Variants in PORCN observed in about 807,000 individuals in gnomAD.
The protein encoded by PORCN is porcupine O-acyltransferase, also known as protein-serine O-palmitoleoyltransferase porcupine.
Under a neutral mutation model 43.0 loss-of-function variants are expected in PORCN, and 1 was observed. That is an observed-to-expected ratio of 0.02 (90% confidence interval 0.01 to 0.11). The LOEUF is 0.11. Ranked by LOEUF, PORCN falls within the 10% of genes least tolerant of loss-of-function variation. PORCN has a pLI of 1.00. For synonymous variants in PORCN, 148 were observed against 166.4 expected (o/e 0.89, Z 0.85); for missense variants, 240 against 392.1 (o/e 0.61, Z 3.28).
chrX:48,514,776 T>C (rs987545745), intron 10 of PORCN, 151 bp downstream of exon 10: 15 of 509,527 alleles, frequency 2.9e-5, no homozygotes, highest in Non-Finnish European at 4.2e-5. Context: ...AGATGATAAA[T>C]ACGAGAAAAA....
chrX:48,510,759 A>G (rs868966738), intron 2 of PORCN, among the ~76,000 whole-genome samples: 1 of 101,642 alleles, frequency 9.8e-6, no homozygotes, highest in Non-Finnish European at 2.0e-5. Flanking sequence ...CTATCTATCT[A>G]TCTGTATATC....
At chrX:48,511,583 G>A (rs2061676091) in intron 3 of PORCN, 96 bp downstream of exon 3, 1 of 783,815 alleles carries the variant, frequency 1.3e-6, no homozygotes. Context: ...GGAGGGTGGT[G>A]AGATTCCCCG....
rs2061698079 is a variant in PORCN at position 48,514,248 on chromosome X, G to A, written c.728G>A (p.Arg243Gln). Residue 243 changes from arginine (R) to glutamine (Q), a missense_variant, in exon 9 of 15, where the codon CGA becomes CAA. By Grantham distance (43) the Arg-to-Gln change is conservative. Transcript: ENST00000326194. ...TGCCCCTTTCTCCCCAGGTGGCTGC[G>A]AGCCTACGAGAGTGCTGTCTCCTTC... Reference protein sequence around the residue: ...KARGTMVRWLRAYESAVSFHF... With the variant: ...KARGTMVRWLQAYESAVSFHF... 8.3e-7 allele frequency: 1 copy of A among 1,211,748 alleles called. No homozygotes were observed. The highest frequency in any genetic ancestry group is 1.1e-6 in the Non-Finnish European group (1 of 895,498).
chrX:48,509,937 C>T lies in PORCN; in HGVS notation c.117C>T (p.Cys39=). 1 of 1,210,354 alleles carries T rather than the reference C, an allele frequency of 8.3e-7. No individual in the cohort carries two copies. ...TGCTCCTTGCCATCTGCCTCGCCTG[C>T]CGCCTCCTCTGGAGGCTCGGTAAGT... is the stretch of plus-strand genomic sequence containing the variant. ...IWLLLAICLA[C]RLLWRLGLPS... Residue 39 remains cysteine, a synonymous_variant, in exon 2 of 15, where the codon TGC becomes TGT. Transcript: ENST00000326194.
intron 2 of PORCN, among the ~76,000 whole-genome samples, chrX:48,511,045 G>A (rs1272302362): frequency 1.8e-5 from 2 of 111,510 alleles, no homozygotes; most frequent in African/African-American, 6.5e-5. Context: ...TTTAAACCCA[G>A]GCCCTGCCAC....
intron 10 of PORCN, 148 bp from the exon 11 acceptor site, chrX:48,515,567 TGG>T: frequency 1.9e-6 from 1 of 515,240 alleles, no homozygotes; most frequent in Non-Finnish European, 3.5e-6. Flanking sequence ...GATCGGGAGC[TGG>T]GCTTTGGGCA....
chrX:48,518,402 G>A (rs1230980879), intron 14 of PORCN, among the ~76,000 whole-genome samples: 14 of 110,523 alleles, frequency 1.3e-4, no homozygotes, highest in Admixed American at 1.3e-3. Context: ...TGTACTTTTA[G>A]TAGAGATGGG....
Position 48,520,455 on chromosome X carries a change from C to T in PORCN, c.1365C>T (p.Ile455=). The T allele has an allele frequency of 1.7e-6, 2 of 1,203,435 alleles. No individual in the cohort carries two copies. The highest frequency in any genetic ancestry group is 1.1e-6 in the Non-Finnish European group (1 of 889,576). ...ASHWVTFGCW[I]FYRLIG ...ACTGGGTCACTTTTGGATGCTGGAT[C>T]TTCTACCGTCTCATAGGCTGAGGCA... Residue 455 remains isoleucine, a synonymous_variant, in exon 15 of 15, where the codon ATC becomes ATT. Coordinates refer to ENST00000326194, the MANE Select transcript of PORCN (RefSeq NM_203475.3).
intron 2 of PORCN, among the ~76,000 whole-genome samples, chrX:48,510,634 T>G: frequency 8.9e-6 from 1 of 112,143 alleles, no homozygotes; most frequent in Non-Finnish European, 1.9e-5. Context: ...GTTTATTATT[T>G]TGAAATTTTT....
chrX:48,509,480 ATATGGGCCTGAAATG>A (rs2061658735), intron 1 of PORCN: 1 of 967,694 alleles, frequency 1.0e-6, no homozygotes, highest in African/African-American at 2.0e-5. Flanking sequence ...CCCATTTGAT[ATATGGGCCTGAAATG>A]TATGCCATCC....
rs370900825 is a variant in PORCN, at chrX:48,512,707, G to A, written c.674G>A (p.Arg225His). 7 of 1,212,062 alleles carry A rather than the reference G, an allele frequency of 5.8e-6. No homozygotes were observed. Among genetic ancestry groups the A allele is most frequent in the South Asian group, 1.8e-5 (1 of 56,991 alleles). ...FPYFIPLNGD[R>H]LLRNKKRKAR... ...TACTTCATCCCCCTCAACGGTGACC[G>A]CCTCCTTCGCAAGTGAGCACAGCCT... The change falls in exon 6 of 15, where the codon CGC (arginine) becomes CAC (histidine). Residue 225 changes from arginine to histidine, a missense_variant. Transcript: ENST00000326194.
At position 48,515,746 on chromosome X, in the gene PORCN, A is replaced by T. The variant is rs782216315; in HGVS notation, c.976A>T (p.Thr326Ser). ...TTTCAAGAATGCTCTCCGCCTGGGG[A>T]CCTTCTCGGCTGTGCTGGTCACCTA... Reference protein sequence around the residue: ...YVFKNALRLGTFSAVLVTYAA... With the variant: ...YVFKNALRLGSFSAVLVTYAA... The change falls in exon 11 of 15, where the codon ACC (threonine) becomes TCC (serine). Residue 326 changes from threonine (T) to serine (S), a missense_variant. By Grantham distance (58) the Thr-to-Ser change is moderately conservative (BLOSUM62 1). Coordinates refer to ENST00000326194, the MANE Select transcript of PORCN (RefSeq NM_203475.3). 1 of 1,204,495 alleles carries T rather than the reference A, an allele frequency of 8.3e-7. No individual in the cohort carries two copies. The highest frequency in any genetic ancestry group is 1.1e-6 in the Non-Finnish European group (1 of 893,348).
In PORCN at chrX:48,510,539, T is replaced by C. The variant is rs188672976; in HGVS notation, c.136+583T>C. On this transcript the variant is annotated intron_variant, in intron 2 of 14. Transcript: ENST00000326194. ...GATTCCTATAGGAGGCGGAGATTTC[T>C]GGAAATCTGAGATCCGAAGGTTCTA... is the stretch of plus-strand genomic sequence containing the variant. Among the ~76,000 whole-genome samples the C allele has an allele frequency of 5.4e-4, 61 of 112,258 alleles. 1 individual carries two copies. Among genetic ancestry groups the C allele is most frequent in the African/African-American group, 1.6e-3 (51 of 30,931 alleles).
intron 4 of PORCN, 165 bp downstream of exon 4, chrX:48,512,100 G>A (rs2061680578): frequency 9.2e-6 from 5 of 543,040 alleles, no homozygotes; most frequent in South Asian, 5.4e-5. Context: ...TCTTTCCACC[G>A]TGCATTTTCC....
At chrX:48,514,898 T>G (rs782549249) in intron 10 of PORCN, among the ~76,000 whole-genome samples, 72 of 107,218 alleles carry the variant, frequency 6.7e-4, no homozygotes, top group African/African-American at 2.1e-3. Context: ...GTGGGGAGGG[T>G]AGGGTATTGC....
chrX:48,514,552 T>C lies in PORCN; in HGVS notation c.873T>C (p.Asn291=). The part of the protein sequence containing the change: ...EWDLTVSKPL[N]VELPRSMVEV... ...ACCTGACGGTGTCCAAGCCACTGAA[T>C]GTGGAGCTGCCTCGGTCAATGGTGG... Residue 291 remains asparagine (N), a synonymous_variant, in exon 10 of 15, where the codon AAT becomes AAC. Transcript: ENST00000326194. 1.7e-6 allele frequency: 2 copies of C among 1,211,745 alleles called. No individual in the cohort carries two copies. Among genetic ancestry groups the C allele is most frequent in the Admixed American group, 4.3e-5 (2 of 46,076 alleles).
intron 4 of PORCN, 96 bp from the exon 5 acceptor site, chrX:48,512,230 G>A (rs2061681655): frequency 5.9e-6 from 6 of 1,017,312 alleles, no homozygotes; most frequent in Admixed American, 2.5e-5. Context: ...CCATCCTTGT[G>A]CCCGCTTTTC....
chrX:48,510,875 T>G (rs782303604), intron 2 of PORCN, among the ~76,000 whole-genome samples: 1 of 111,612 alleles, frequency 9.0e-6, no homozygotes, highest in Non-Finnish European at 1.9e-5. Context: ...CATCCTTCAG[T>G]GTGTGGCCCC....
In PORCN at chrX:48,514,174, C is replaced by T. The variant is rs781913890; in HGVS notation, c.719+33C>T. On this transcript the variant is annotated intron_variant, in intron 8 of 14. Transcript: ENST00000326194. ...TACAGAGCGGGGCCCAGGATGCTGA[C>T]ATGTGGTGGGGTATCATGTTGGGAC... is the stretch of plus-strand genomic sequence containing the variant. 1.7e-5 allele frequency: 20 copies of T among 1,210,285 alleles called. No individual in the cohort carries two copies. In the South Asian group the frequency reaches 3.0e-4, roughly 18 times the overall value.
Sources: allele counts gnomAD v4.1 joint callset (sites outside exome capture counted in the v4.1 genomes callset), GRCh38; gene constraint gnomAD v4.1.1; transcripts MANE v1.5; gene names NCBI Gene and HGNC (gene_info 2026-07-23, HGNC 2026-07-21).